Variants in CNTNAP4 observed in about 807,000 individuals in gnomAD.
CNTNAP4 encodes the protein contactin associated protein family member 4.
Under a neutral mutation model 148.4 loss-of-function variants are expected in CNTNAP4, and 98 were observed. That is an observed-to-expected ratio of 0.66 (90% CI 0.56 to 0.78). The LOEUF (loss-of-function observed/expected upper bound fraction) is 0.78, where lower values mean the gene tolerates loss of function less well. Ranked by LOEUF, CNTNAP4 falls within the 30% of genes least tolerant of loss-of-function variation. The probability of loss-of-function intolerance (pLI) is 0.00; values close to 1 mark genes in which losing one functional copy is unlikely to be tolerated. For missense variants in CNTNAP4, 1,935 were observed against 1,565.6 expected (o/e 1.24, Z -3.98); for synonymous variants, 730 against 565.1 (o/e 1.29, Z -4.14).
intron 8 of CNTNAP4, among the ~76,000 whole-genome samples, chr16:76,455,758 G>A (rs149217703): frequency 6.6e-6 from 1 of 152,166 alleles, no homozygotes; most frequent in Non-Finnish European, 1.5e-5. Flanking sequence ...AGGTATAATT[G>A]CCTTTTGCAC....
intron 1 of CNTNAP4, among the ~76,000 whole-genome samples, chr16:76,308,283 C>T (rs768602485): frequency 2.0e-5 from 3 of 152,128 alleles, no homozygotes; most frequent in Non-Finnish European, 4.4e-5. Context: ...AGTCTACACT[C>T]GTGGCATTTA....
chr16:76,285,717 C>A (rs147254489), intron 1 of CNTNAP4, among the ~76,000 whole-genome samples: 1 of 151,900 alleles, frequency 6.6e-6, no homozygotes, highest in Non-Finnish European at 1.5e-5. Flanking sequence ...AAATTATAAC[C>A]TGTAATTTCA....
At chr16:76,338,775 C>G (rs1280653151) in intron 2 of CNTNAP4, among the ~76,000 whole-genome samples, 1 of 152,104 alleles carries the variant, frequency 6.6e-6, no homozygotes, top group African/African-American at 2.4e-5. Flanking sequence ...TCATAAGTGA[C>G]TTTACAACCT....
At chr16:76,504,993 C>T (rs1477026131) in intron 15 of CNTNAP4, among the ~76,000 whole-genome samples, 1 of 152,034 alleles carries the variant, frequency 6.6e-6, no homozygotes, top group Non-Finnish European at 1.5e-5. Context: ...TTTAGAGCAA[C>T]TAGAACTCTG....
At chr16:76,385,060 G>A (rs2016380648) in intron 3 of CNTNAP4, among the ~76,000 whole-genome samples, 1 of 152,128 alleles carries the variant, frequency 6.6e-6, no homozygotes, top group South Asian at 2.1e-4. Context: ...CACCTGACAG[G>A]TGCAACTTAT....
chr16:76,357,284 C>G (rs536896213), intron 3 of CNTNAP4, among the ~76,000 whole-genome samples: 2 of 152,226 alleles, frequency 1.3e-5, no homozygotes, highest in African/African-American at 4.8e-5. Flanking sequence ...CTAATGCATG[C>G]TAATATTTAG....
At chr16:76,497,024 TGAAATAACAAA>T (rs2082422855) in intron 14 of CNTNAP4, among the ~76,000 whole-genome samples, 1 of 152,184 alleles carries the variant, frequency 6.6e-6, no homozygotes, top group Admixed American at 6.5e-5. Context: ...AAAGAGCATC[TGAAATAACAAA>T]TTCTAATAGA....
intron 9 of CNTNAP4, among the ~76,000 whole-genome samples, chr16:76,463,154 G>A (rs2081045784): frequency 2.6e-5 from 4 of 152,056 alleles, no homozygotes; most frequent in Admixed American, 2.6e-4. Flanking sequence ...AAACCTTTTG[G>A]AATATATGAT....
At chr16:76,517,623 A>C (rs2083298192) in intron 15 of CNTNAP4, among the ~76,000 whole-genome samples, 1 of 152,228 alleles carries the variant, frequency 6.6e-6, no homozygotes, top group Admixed American at 6.5e-5. Context: ...ACCTTGAAAA[A>C]CAATGTGTTT....
At chr16:76,461,854 A>T in intron 8 of CNTNAP4, 102 bp from the exon 9 acceptor site, 2 of 910,016 alleles carry the variant, frequency 2.2e-6, no homozygotes, top group Non-Finnish European at 3.4e-6. Flanking sequence ...TAATAGAGTT[A>T]AGTACTGTAG....
At chr16:76,512,535 A>G (rs1055478430) in intron 15 of CNTNAP4, among the ~76,000 whole-genome samples, 1 of 152,186 alleles carries the variant, frequency 6.6e-6, no homozygotes. Flanking sequence ...GCATTAATTG[A>G]AATGGGGGAG....
chr16:76,487,052 G>A (rs2082053871), intron 12 of CNTNAP4, among the ~76,000 whole-genome samples: 1 of 152,150 alleles, frequency 6.6e-6, no homozygotes, highest in Admixed American at 6.5e-5. Context: ...GTATTGGCAA[G>A]ATAACTCCTT....
chr16:76,407,904 G>T, intron 3 of CNTNAP4, among the ~76,000 whole-genome samples: 1 of 151,726 alleles, frequency 6.6e-6, no homozygotes, highest in East Asian at 1.9e-4. Context: ...AAGAATTAAT[G>T]TGGCAAACTT....
In CNTNAP4 at chr16:76,448,036, G is replaced by T; in HGVS notation, c.563G>T (p.Gly188Val). ...AYRSEVVDLD[G>V]KSSLLYRFDQ... ...GGATCAGAAGTGGTTGATCTTGATG[G>T]AAAAAGTTCCCTTCTCTACAGATTT... is the stretch of plus-strand genomic sequence containing the variant. The change falls in exon 5 of 24, where the codon GGA becomes GTA. Residue 188 changes from glycine to valine, a missense_variant. Gly to Val is a moderately radical substitution (Grantham distance 109). Transcript: ENST00000611870. The T allele has an allele frequency of 6.2e-7, 1 of 1,613,482 alleles. No individual in the cohort carries two copies. The highest frequency in any genetic ancestry group is 8.5e-7 in the Non-Finnish European group (1 of 1,179,556).
chr16:76,279,172 C>T (rs1053369309), intron 1 of CNTNAP4, among the ~76,000 whole-genome samples: 1 of 152,144 alleles, frequency 6.6e-6, no homozygotes, highest in African/African-American at 2.4e-5. Context: ...AATTCATCTT[C>T]CAACCACTAA....
At chr16:76,302,022 C>G (rs750547832) in intron 1 of CNTNAP4, among the ~76,000 whole-genome samples, 6 of 152,038 alleles carry the variant, frequency 3.9e-5, no homozygotes, top group Non-Finnish European at 7.4e-5. Context: ...GTGGTCTCTA[C>G]TGGTTTGAAC....
At chr16:76,491,191 C>T (rs890306998) in intron 13 of CNTNAP4, among the ~76,000 whole-genome samples, 1 of 152,062 alleles carries the variant, frequency 6.6e-6, no homozygotes, top group African/African-American at 2.4e-5. Flanking sequence ...TTGGCCTCTA[C>T]CCCTCCAATC....
chr16:76,357,527 T>C (rs934465868), intron 3 of CNTNAP4, among the ~76,000 whole-genome samples: 3 of 152,204 alleles, frequency 2.0e-5, no homozygotes, highest in Non-Finnish European at 4.4e-5. Flanking sequence ...TAAGGTAACA[T>C]TGCTTTCTAG....
chr16:76,535,898 C>T (rs1359190441), intron 18 of CNTNAP4, 114 bp downstream of exon 18: 26 of 1,171,522 alleles, frequency 2.2e-5, no homozygotes, highest in Non-Finnish European at 2.8e-5. Context: ...TTCTGAATTG[C>T]TTTGGCAAAG....
Sources: allele counts gnomAD v4.1 joint callset (sites outside exome capture counted in the v4.1 genomes callset), GRCh38; gene constraint gnomAD v4.1.1; transcripts MANE v1.5; gene names NCBI Gene and HGNC (gene_info 2026-07-23, HGNC 2026-07-21).